DHX16: variants seen among roughly 807,000 people sequenced by gnomAD.
The protein encoded by DHX16 is pre-mRNA-splicing factor ATP-dependent RNA helicase DHX16.
In DHX16, 81 loss-of-function variants were observed where a neutral mutation model predicts 131.2. The ratio of observed to expected loss-of-function variants is 0.62; its 90% CI spans 0.52 to 0.74. DHX16 has a LOEUF of 0.74. Among genes scored for constraint, DHX16 ranks in the 30% least tolerant of loss-of-function variants. DHX16 has a pLI of 0.00. For synonymous variants in DHX16, 440 were observed against 520.2 expected (o/e 0.85, Z 2.10); for missense variants, 980 against 1,363.1 (o/e 0.72, Z 4.43).
chr6:30,654,741 C>G lies in DHX16; in HGVS notation c.2962G>C (p.Glu988Gln). Residue 988 changes from glutamate (E) to glutamine (Q), a missense_variant, in exon 19 of 20, where the codon GAA becomes CAA. Physicochemically the swap from Glu to Gln is conservative, Grantham distance 29 (BLOSUM62 2). Around this residue, in one of 3 missense-constraint regions of DHX16, gnomAD observed 214 missense variants for 271.2 expected, o/e 0.79. Coordinates refer to ENST00000376442, the MANE Select transcript of DHX16 (RefSeq NM_003587.5). ...AACTCTTTGGTGGTCAAGACAAGTTCGTGGTAGAGCAGCCAGCGTGGCTGT... is the reference window on the plus strand; with the variant it reads ...AACTCTTTGGTGGTCAAGACAAGTTGGTGGTAGAGCAGCCAGCGTGGCTGT... ...EQQPRWLLYH[E>Q]LVLTTKEFMR... 6.2e-7 allele frequency: 1 copy of G among 1,612,860 alleles called. No individual in the cohort carries two copies. Among genetic ancestry groups the G allele is most frequent in the Non-Finnish European group, 8.5e-7 (1 of 1,179,928 alleles).
In DHX16 at chr6:30,670,475, A is replaced by T. The variant is rs775357157; in HGVS notation, c.610-9T>A. ...TGAGCCTCTTCATAAGCCTAGAAGA[A>T]AAAACAAGAATGGAGGGGTGTGAGG... On this transcript the variant is annotated splice_polypyrimidine_tract_variant and intron_variant, in intron 3 of 19. Transcript: ENST00000376442. This position sits in a 1 kb window ranked among gnomAD's most constrained non-coding sequence, Gnocchi z 4.4. The T allele has an allele frequency of 6.2e-7, 1 of 1,610,552 alleles. No homozygotes were observed. The highest frequency in any genetic ancestry group is 8.5e-7 in the Non-Finnish European group (1 of 1,178,634).
chr6:30,656,670 C>T lies in DHX16; in HGVS notation c.2238G>A (p.Glu746=), dbSNP rs763472100. ...TCTCAGGCACTGTGGTTTCCTCAAGCTCGTGCTGATAGGCCCAGGCGGTAT... is the reference window on the plus strand; with the variant it reads ...TCTCAGGCACTGTGGTTTCCTCAAGTTCGTGCTGATAGGCCCAGGCGGTAT... ...RLYTAWAYQH[E]LEETTVPEIQ... The change falls in exon 14 of 20, where the codon GAG becomes GAA. Residue 746 remains glutamate, a synonymous_variant. Transcript: ENST00000376442. The surrounding 1 kb of genome is among the most constrained non-coding windows in gnomAD (Gnocchi z 5.1). The T allele has an allele frequency of 6.2e-7, 1 of 1,614,054 alleles. No homozygotes were observed. The highest frequency in any genetic ancestry group is 2.2e-5 in the East Asian group (1 of 44,886).
chr6:30,665,154 A>G lies in DHX16; in HGVS notation c.1042T>C (p.Ser348Pro). 6.2e-7 allele frequency: 1 copy of G among 1,613,692 alleles called. No individual in the cohort carries two copies. The highest frequency in any genetic ancestry group is 8.5e-7 in the Non-Finnish European group (1 of 1,179,948). ...SLKFGARDAA[S>P]QEPKYQLVLE... ...ACCAGTTGATACTTGGGCTCCTGAG[A>G]GGCAGCATCTCGGGCCCCAAACTTC... The change falls in exon 6 of 20, where the codon TCT (serine) becomes CCT (proline). Residue 348 changes from serine (S) to proline (P), a missense_variant. Transcript: ENST00000376442. This position sits in a 1 kb window ranked among gnomAD's most constrained non-coding sequence, Gnocchi z 4.8.
chr6:30,672,909 G>A lies in DHX16; in HGVS notation c.-68C>T, dbSNP rs2285320. 4.4e-6 allele frequency: 7 copies of A among 1,593,230 alleles called. No individual in the cohort carries two copies. In the East Asian group the frequency reaches 1.2e-4, roughly 26 times the overall value. On this transcript the variant is annotated 5_prime_UTR_variant, in exon 1 of 20. Coordinates refer to ENST00000376442, the MANE Select transcript of DHX16 (RefSeq NM_003587.5). ...GCCGCGCTCACTGCTGGGCCGGTCA[G>A]AGGCCTGGAGCCCTCGGCTGGAGCC... is the stretch of plus-strand genomic sequence containing the variant.
At chr6:30,666,190 G>A (rs1272047725) in intron 4 of DHX16, among the ~76,000 whole-genome samples, 1 of 152,212 alleles carries the variant, frequency 6.6e-6, no homozygotes, top group African/African-American at 2.4e-5. Context: ...GCCCCAGTTA[G>A]ATGTTCTTTG....
In DHX16 at chr6:30,664,828, G is replaced by A. The variant is rs878890394; in HGVS notation, c.1290C>T (p.Thr430=). The change falls in exon 7 of 20, where the codon ACC becomes ACT. Residue 430 remains threonine (T), a synonymous_variant. Coordinates refer to ENST00000376442, the MANE Select transcript of DHX16 (RefSeq NM_003587.5). Reference sequence around the variant, plus strand: ...CCTCAAAGAGATACTGCGGGATCTGGGTGGTCTTCCCTGAGCCTGTCTCGC... The same window carrying A: ...CCTCAAAGAGATACTGCGGGATCTGAGTGGTCTTCCCTGAGCCTGTCTCGC... The part of the protein sequence containing the change: ...IEGETGSGKT[T]QIPQYLFEEG... The A allele has an allele frequency of 1.2e-6, 2 of 1,612,920 alleles. No individual in the cohort carries two copies. Among genetic ancestry groups the A allele is most frequent in the Non-Finnish European group, 1.7e-6 (2 of 1,180,008 alleles).
chr6:30,659,661 AGTCACAGAAGGCCAACATGCCGGCCCTG>A, intron 11 of DHX16, 37 bp from the exon 12 acceptor site: 1 of 1,613,554 alleles, frequency 6.2e-7, no homozygotes. Context: ...GGGGTCCCAG[AGTCACAGAAGGCCAACATGCCGGCCCTG>A]TCTTCCCCTG....
Position 30,656,597 on chromosome 6 carries a change from C to A in DHX16, c.2311G>T (p.Gly771Trp). The change falls in exon 14 of 20, where the codon GGG becomes TGG. Residue 771 changes from glycine to tryptophan, a missense_variant and splice_region_variant. This residue lies in a region of DHX16 where 309 missense variants were observed against 537.1 expected (regional missense o/e 0.58). Transcript: ENST00000376442. This position sits in a 1 kb window ranked among gnomAD's most constrained non-coding sequence, Gnocchi z 5.1. The stretch of plus-strand genomic sequence containing the variant: ...CTCCTCTCTCAGGTAGCCCAATCAC[C>A]TAAGCTCTTGAGCAGCAACACGACA... ...GNVVLLLKSL[G>W]IHDLMHFDFL... 1 of 1,614,168 alleles carries A rather than the reference C, an allele frequency of 6.2e-7. No individual in the cohort carries two copies. The highest frequency in any genetic ancestry group is 8.5e-7 in the Non-Finnish European group (1 of 1,180,032).
At position 30,659,457 on chromosome 6, in the gene DHX16, G is replaced by C; in HGVS notation, c.2007+15C>G. The C allele has an allele frequency of 6.3e-7, 1 of 1,576,142 alleles. No individual in the cohort carries two copies. The highest frequency in any genetic ancestry group is 1.2e-5 in the South Asian group (1 of 86,432). On this transcript the variant is annotated intron_variant, in intron 12 of 19. Coordinates refer to ENST00000376442, the MANE Select transcript of DHX16 (RefSeq NM_003587.5). ...GGAAGCATAGGGGTGAAGAGTGTGG[G>C]TTTCTCCAACTGACCTTTCGTGCCC... is the stretch of plus-strand genomic sequence containing the variant.
chr6:30,659,558 C>G lies in DHX16; in HGVS notation c.1921G>C (p.Glu641Gln), dbSNP rs759112019. Reference protein sequence around the residue: ...RCRRLGSKIRELLVLPIYANL... With the variant: ...RCRRLGSKIRQLLVLPIYANL... ...GCATAAATGGGCAGCACCAGGAGCT[C>G]CCGGATTTTGGAGCCCAGGCGGCGG... The change falls in exon 12 of 20, where the codon GAG becomes CAG. Residue 641 changes from glutamate to glutamine, a missense_variant. By Grantham distance (29) the Glu-to-Gln change is conservative. Transcript: ENST00000376442. 1 of 1,612,824 alleles carries G rather than the reference C, an allele frequency of 6.2e-7. No homozygotes were observed. Among genetic ancestry groups the G allele is most frequent in the Non-Finnish European group, 8.5e-7 (1 of 1,179,856 alleles).
Position 30,660,241 on chromosome 6 carries a change from C to A in DHX16, c.1546G>T (p.Val516Leu). ...TCGTGTGCCTCATCCACCATCACCA[C>A]GCTGGGGAGGGAATAGGAGAGCAAT... ...LSEPDLASYS[V>L]VMVDEAHERT... is the part of the protein sequence containing the mutation. Residue 516 changes from valine to leucine, a missense_variant and splice_region_variant, in exon 10 of 20, where the codon GTG becomes TTG. By Grantham distance (32) the Val-to-Leu change is conservative (BLOSUM62 1). Around this residue, in one of 3 missense-constraint regions of DHX16, gnomAD observed 309 missense variants for 537.1 expected, o/e 0.58. Coordinates refer to ENST00000376442, the MANE Select transcript of DHX16 (RefSeq NM_003587.5). 1 of 1,525,974 alleles carries A rather than the reference C, an allele frequency of 6.6e-7. No homozygotes were observed. The highest frequency in any genetic ancestry group is 1.8e-4 in the Middle Eastern group (1 of 5,616). The allele number at this position is 1,525,974 out of a possible 1,614,324, so 94.5% of individuals were successfully genotyped here. A position where few individuals can be genotyped will look rare whatever the true frequency, so the allele number is the denominator to read the frequency against.
At chr6:30,663,051 G>T (rs761412419) in intron 7 of DHX16, 30 bp from the exon 8 acceptor site, 3 of 1,564,558 alleles carry the variant, frequency 1.9e-6, no homozygotes, top group African/African-American at 1.4e-5. Context: ...GAAGAAGTTT[G>T]CCCTTTACTA....
intron 4 of DHX16, among the ~76,000 whole-genome samples, chr6:30,666,346 T>C (rs2127591395): frequency 6.6e-6 from 1 of 152,344 alleles, no homozygotes; most frequent in East Asian, 1.9e-4. Context: ...CCATGCTGTG[T>C]CTCACTTAGT....
At chr6:30,663,134 A>C in intron 7 of DHX16, 113 bp from the exon 8 acceptor site, 1 of 859,180 alleles carries the variant, frequency 1.2e-6, no homozygotes. Flanking sequence ...AAGGAGGAAA[A>C]GACAGATGCT....
In DHX16 at chr6:30,665,638, C is replaced by A; in HGVS notation, c.762G>T (p.Glu254Asp). The part of the protein sequence containing the change: ...EDLEAELADE[E>D]FLFGDVELSR... Reference sequence around the variant, plus strand: ...TCAGCTCCACGTCCCCAAAAAGGAACTCCTCATCAGCCAGCTCCGCCTCCA... The same window carrying A: ...TCAGCTCCACGTCCCCAAAAAGGAAATCCTCATCAGCCAGCTCCGCCTCCA... The change falls in exon 5 of 20, where the codon GAG (glutamate) becomes GAT (aspartate). Residue 254 changes from glutamate (E) to aspartate (D), a missense_variant. Physicochemically the swap from Glu to Asp is conservative, Grantham distance 45 (BLOSUM62 2). Transcript: ENST00000376442. The surrounding 1 kb of genome is among the most constrained non-coding windows in gnomAD (Gnocchi z 4.8). 6.2e-7 allele frequency: 1 copy of A among 1,612,904 alleles called. No individual in the cohort carries two copies. Among genetic ancestry groups the A allele is most frequent in the Non-Finnish European group, 8.5e-7 (1 of 1,180,036 alleles).
Position 30,665,380 on chromosome 6 carries a change from G to A in DHX16, c.921+99C>T, listed in dbSNP as rs1025727629. On this transcript the variant is annotated intron_variant, in intron 5 of 19. Transcript: ENST00000376442. This position sits in a 1 kb window ranked among gnomAD's most constrained non-coding sequence, Gnocchi z 4.8. ...CCCACTGCCCATTGGGAACGGCAAG[G>A]CAAGAAAGGGGATGACCCACGTGTT... 1 of 1,581,994 alleles carries A rather than the reference G, an allele frequency of 6.3e-7. No individual in the cohort carries two copies. Among genetic ancestry groups the A allele is most frequent in the African/African-American group, 1.3e-5 (1 of 74,406 alleles).
chr6:30,665,388 G>A lies in DHX16; in HGVS notation c.921+91C>T. Reference sequence around the variant, plus strand: ...CCATTGGGAACGGCAAGGCAAGAAAGGGGATGACCCACGTGTTGCCCAATC... The same window carrying A: ...CCATTGGGAACGGCAAGGCAAGAAAAGGGATGACCCACGTGTTGCCCAATC... On this transcript the variant is annotated intron_variant, in intron 5 of 19. Transcript: ENST00000376442. The surrounding 1 kb of genome is among the most constrained non-coding windows in gnomAD (Gnocchi z 4.8). 1.9e-6 allele frequency: 3 copies of A among 1,582,916 alleles called. No individual in the cohort carries two copies. Among genetic ancestry groups the A allele is most frequent in the Non-Finnish European group, 2.6e-6 (3 of 1,164,126 alleles).
At chr6:30,666,976 T>G (rs181254517) in intron 4 of DHX16, among the ~76,000 whole-genome samples, 146 of 152,320 alleles carry the variant, frequency 9.6e-4, no homozygotes, top group African/African-American at 3.3e-3. Flanking sequence ...ATAGATTTTT[T>G]TTTTAATATG....
At chr6:30,671,381 C>T (rs980102272) in intron 1 of DHX16, 107 bp from the exon 2 acceptor site, 28 of 1,059,928 alleles carry the variant, frequency 2.6e-5, no homozygotes, top group Non-Finnish European at 3.9e-5. Context: ...CCTGCCCCCG[C>T]GGCCCGGCCC....
Sources: allele counts gnomAD v4.1 joint callset (sites outside exome capture counted in the v4.1 genomes callset), GRCh38; gene constraint gnomAD v4.1.1; regional missense constraint gnomAD v4.1.1; non-coding constraint Gnocchi (gnomAD v3.1); transcripts MANE v1.5; gene names NCBI Gene and HGNC (gene_info 2026-07-23, HGNC 2026-07-21).